The following ZNF326 variants were observed in gnomAD, a reference collection of about 807,000 sequenced individuals.
ZNF326 encodes the protein zinc finger protein 326.
A neutral mutation model predicts 63.1 loss-of-function variants in ZNF326; 30 were observed. The ratio of observed to expected loss-of-function variants is 0.48; its 90% CI spans 0.36 to 0.64. The LOEUF is 0.64. Ranked by LOEUF, ZNF326 falls within the 30% of genes least tolerant of loss-of-function variation. The pLI is 0.00. For synonymous variants in ZNF326, 194 were observed against 228.2 expected (o/e 0.85, Z 1.35); for missense variants, 609 against 720.3 (o/e 0.85, Z 1.77).
At chr1:90,018,807 T>A (rs752022446) in intron 9 of ZNF326, 23 bp downstream of exon 9, 1 of 1,372,752 alleles carries the variant, frequency 7.3e-7, no homozygotes, top group Non-Finnish European at 1.0e-6. Flanking sequence ...AACAAATTAT[T>A]TTAAAATTCT....
rs1291684771 is a variant in ZNF326, at chr1:90,034,778, G to A, written c.*7077G>A. 6.6e-6 allele frequency: 1 copy of A among 152,128 alleles called. No individual in the cohort carries two copies. The highest frequency in any genetic ancestry group is 1.5e-5 in the Non-Finnish European group (1 of 68,000). The allele number at this position is 152,128 out of a possible 1,614,324, so 9.4% of individuals were successfully genotyped here. A position where few individuals can be genotyped will look rare whatever the true frequency, so the allele number is the denominator to read the frequency against. ...CATCTCAATTTGGTCTCTGAGGCTA[G>A]CATAATCCTTATTCCAGAAAATTGT... On this transcript the variant is annotated 3_prime_UTR_variant, in exon 12 of 12. Coordinates refer to ENST00000340281, the MANE Select transcript of ZNF326 (RefSeq NM_182976.4).
chr1:90,012,945 A>T (rs1470705463), intron 6 of ZNF326, among the ~76,000 whole-genome samples, 181 bp from the exon 7 acceptor site: 1 of 152,214 alleles, frequency 6.6e-6, no homozygotes, highest in Non-Finnish European at 1.5e-5. Flanking sequence ...AAATGAATGA[A>T]GTTCATTTAG....
Position 90,033,149 on chromosome 1 carries a change from A to G in ZNF326, c.*5448A>G, listed in dbSNP as rs1650346275. On this transcript the variant is annotated 3_prime_UTR_variant, in exon 12 of 12. Coordinates refer to ENST00000340281, the MANE Select transcript of ZNF326 (RefSeq NM_182976.4). ...TTTATTGGTTGGAAAACTGCTATCT[A>G]CAGGCCTTCCACTACCTATTTCTTA... 1 of 152,212 alleles carries G rather than the reference A, an allele frequency of 6.6e-6. No individual in the cohort carries two copies. Among genetic ancestry groups the G allele is most frequent in the South Asian group, 2.1e-4 (1 of 4,836 alleles). 9.4% of individuals were successfully genotyped at this position (152,212 alleles called of 1,614,324 possible). A position where few individuals can be genotyped will look rare whatever the true frequency, so the allele number is the denominator to read the frequency against.
In ZNF326 at chr1:90,029,095, T is replaced by C. The variant is rs1329178788; in HGVS notation, c.*1394T>C. 1.3e-5 allele frequency: 2 copies of C among 152,232 alleles called. No homozygotes were observed. Among genetic ancestry groups the C allele is most frequent in the Non-Finnish European group, 2.9e-5 (2 of 68,062 alleles). The allele number at this position is 152,232 out of a possible 1,614,324, so 9.4% of individuals were successfully genotyped here. On this transcript the variant is annotated 3_prime_UTR_variant, in exon 12 of 12. Transcript: ENST00000340281. ...CTGGGATTGCAGGTGTGAGCCACCA[T>C]GCCTGGCATAGGGGGCTGTATTTCA...
intron 2 of ZNF326, among the ~76,000 whole-genome samples, chr1:90,001,249 G>A (rs893142603): frequency 6.6e-6 from 1 of 152,152 alleles, no homozygotes; most frequent in Admixed American, 6.5e-5. Context: ...ACTGGTATAG[G>A]TTCTTAGATG....
At chr1:90,016,013 A>G (rs1570311791) in intron 7 of ZNF326, among the ~76,000 whole-genome samples, 1 of 152,094 alleles carries the variant, frequency 6.6e-6, no homozygotes, top group East Asian at 1.9e-4. Context: ...AGCTGAAAAC[A>G]TTTTTGTCTT....
At position 90,005,221 on chromosome 1, in the gene ZNF326, CAGT is replaced by C; in HGVS notation, c.187_189del (p.Ser63del). Reference sequence around the variant, plus strand: ...ACCAGTCATATGGCATGGACAATCACAGTGGTGGTGGTGGGGGTAGCAGGTAAA... The same window carrying C: ...ACCAGTCATATGGCATGGACAATCACGGTGGTGGTGGGGGTAGCAGGTAAA... On this transcript the variant is annotated inframe_deletion, in exon 4 of 12. Transcript: ENST00000340281. 1 of 1,613,754 alleles carries C rather than the reference CAGT, an allele frequency of 6.2e-7. No homozygotes were observed. Among genetic ancestry groups the C allele is most frequent in the Non-Finnish European group, 8.5e-7 (1 of 1,179,904 alleles).
At chr1:90,025,394 T>G (rs1237282781) in intron 11 of ZNF326, among the ~76,000 whole-genome samples, 1 of 152,188 alleles carries the variant, frequency 6.6e-6, no homozygotes, top group Non-Finnish European at 1.5e-5. Context: ...CCTCCCGGGT[T>G]CAAACGATTC....
rs1047581116 is a variant in ZNF326 at position 90,035,072 on chromosome 1, G to C, written c.*7371G>C. On this transcript the variant is annotated 3_prime_UTR_variant, in exon 12 of 12. Transcript: ENST00000340281. ...CACATTCCAGATTTAAATTTTTCAGGCTGAGAATAGAATAAAGCCTTTGTA... is the reference window on the plus strand; with the variant it reads ...CACATTCCAGATTTAAATTTTTCAGCCTGAGAATAGAATAAAGCCTTTGTA... The C allele has an allele frequency of 8.5e-5, 13 of 152,152 alleles. No homozygotes were observed. Among genetic ancestry groups the C allele is most frequent in the African/African-American group, 3.1e-4 (13 of 41,422 alleles). 9.4% of individuals were successfully genotyped at this position (152,152 alleles called of 1,614,324 possible).
At chr1:90,020,060 C>T (rs987506877) in intron 9 of ZNF326, among the ~76,000 whole-genome samples, 1 of 151,960 alleles carries the variant, frequency 6.6e-6, no homozygotes, top group Non-Finnish European at 1.5e-5. Context: ...TTGTTCAAAT[C>T]CTTTTCTGTT....
In ZNF326 at chr1:90,007,290, G is replaced by T; in HGVS notation, c.210-55G>T. The T allele has an allele frequency of 3.3e-6, 5 of 1,492,680 alleles. No individual in the cohort carries two copies. The highest frequency in any genetic ancestry group is 4.5e-6 in the Non-Finnish European group (5 of 1,106,458). 92.5% of individuals were successfully genotyped at this position (1,492,680 alleles called of 1,614,324 possible). The stretch of plus-strand genomic sequence containing the variant: ...CATCTGATAATTTGTCTTTTGAATT[G>T]TCTAACATTAGTAAGCTTACTTTTG... On this transcript the variant is annotated intron_variant, in intron 4 of 11. Coordinates refer to ENST00000340281, the MANE Select transcript of ZNF326 (RefSeq NM_182976.4). This position sits in a 1 kb window ranked among gnomAD's most constrained non-coding sequence, Gnocchi z 4.9.
rs746934126 is a variant in ZNF326, at chr1:90,020,920, C to G, written c.1303C>G (p.Gln435Glu). Residue 435 changes from glutamine to glutamate, a missense_variant and splice_region_variant, in exon 10 of 12, where the codon CAG (glutamine) becomes GAG (glutamate). Physicochemically the swap from Gln to Glu is conservative, Grantham distance 29 (BLOSUM62 2). This residue lies in a region of ZNF326 where 399 missense variants were observed against 444.3 expected (regional missense o/e 0.90). Coordinates refer to ENST00000340281, the MANE Select transcript of ZNF326 (RefSeq NM_182976.4). ...ATCTCCTGATCATATCAAAGGGAAG[C>G]AGGTAAAATTTTCATCTGTCTTAAT... ...LKSPDHIKGK[Q>E]AYKEQIKRES... The G allele has an allele frequency of 6.2e-7, 1 of 1,610,780 alleles. No homozygotes were observed. The highest frequency in any genetic ancestry group is 1.3e-5 in the African/African-American group (1 of 74,770).
intron 5 of ZNF326, 110 bp from the exon 6 acceptor site, chr1:90,009,978 C>T: frequency 2.2e-5 from 23 of 1,032,790 alleles, no homozygotes; most frequent in Middle Eastern, 2.5e-4. Flanking sequence ...AGTTACATTC[C>T]AGGGAATTTT....
chr1:90,032,522 A>G lies in ZNF326; in HGVS notation c.*4821A>G, dbSNP rs1262561773. On this transcript the variant is annotated 3_prime_UTR_variant, in exon 12 of 12. Coordinates refer to ENST00000340281, the MANE Select transcript of ZNF326 (RefSeq NM_182976.4). Reference sequence around the variant, plus strand: ...AGATACAATAATACAAATTTCAGCAATAAGGATAGATTTATAATCACACTA... The same window carrying G: ...AGATACAATAATACAAATTTCAGCAGTAAGGATAGATTTATAATCACACTA... The G allele has an allele frequency of 1.3e-5, 2 of 152,224 alleles. No homozygotes were observed. The highest frequency in any genetic ancestry group is 1.3e-4 in the Admixed American group (2 of 15,286). 9.4% of individuals were successfully genotyped at this position (152,224 alleles called of 1,614,324 possible). A position where few individuals can be genotyped will look rare whatever the true frequency, so the allele number is the denominator to read the frequency against.
rs1244406119 is a variant in ZNF326 at position 90,034,837 on chromosome 1, C to A, written c.*7136C>A. 6.6e-6 allele frequency: 1 copy of A among 152,024 alleles called. No individual in the cohort carries two copies. 9.4% of individuals were successfully genotyped at this position (152,024 alleles called of 1,614,324 possible). On this transcript the variant is annotated 3_prime_UTR_variant, in exon 12 of 12. Coordinates refer to ENST00000340281, the MANE Select transcript of ZNF326 (RefSeq NM_182976.4). ...GATAGCTATAGACCAGTCTCACTTA[C>A]GAACAAATGTAATTTGTTGAAACTG...
chr1:90,002,047 T>C (rs1336811663), intron 2 of ZNF326, among the ~76,000 whole-genome samples: 1 of 152,246 alleles, frequency 6.6e-6, no homozygotes, highest in East Asian at 1.9e-4. Context: ...GATATACTAC[T>C]ATGTTCTCAT....
intron 2 of ZNF326, among the ~76,000 whole-genome samples, chr1:90,002,951 T>C (rs1648760772): frequency 6.6e-6 from 1 of 152,174 alleles, no homozygotes; most frequent in Non-Finnish European, 1.5e-5. Flanking sequence ...TAAAAAATCA[T>C]ATTCAGTGAT....
intron 2 of ZNF326, among the ~76,000 whole-genome samples, chr1:90,000,918 A>G (rs1335151115): frequency 8.5e-5 from 13 of 152,190 alleles, no homozygotes; most frequent in Non-Finnish European, 1.6e-4. Context: ...TAAAATGGGT[A>G]TACACCTTGT....
chr1:90,026,347 A>T (rs1650016355), intron 11 of ZNF326, among the ~76,000 whole-genome samples: 1 of 152,030 alleles, frequency 6.6e-6, no homozygotes, highest in Non-Finnish European at 1.5e-5. Flanking sequence ...CACCAGTCCC[A>T]TCCCAGGGCC....
Sources: gnomAD v4.1 joint callset for allele counts (sites outside exome capture counted in the v4.1 genomes callset) on GRCh38, gnomAD v4.1.1 for gene constraint, gnomAD v4.1.1 regional missense constraint, Gnocchi (gnomAD v3.1) non-coding constraint, MANE v1.5 for transcripts, NCBI Gene and HGNC (gene_info 2026-07-23, HGNC 2026-07-21) for gene names.